The following TRPS1 variants were observed in gnomAD, a reference collection of about 807,000 sequenced individuals.
TRPS1 encodes the protein zinc finger transcription factor Trps1.
In TRPS1, 6 loss-of-function variants were observed where a neutral mutation model predicts 101.2. That is an observed-to-expected ratio of 0.06 (90% CI 0.03 to 0.12). TRPS1 has a LOEUF of 0.12. TRPS1 is among the 10% of genes least tolerant of loss of function. TRPS1 has a pLI of 1.00. For synonymous variants in TRPS1, 578 were observed against 589.8 expected, an observed-to-expected ratio of 0.98 and a Z score of 0.29; for missense variants, 1,363 against 1,567.0, an observed-to-expected ratio of 0.87 and a Z score of 2.20.
rs1817449323 is a variant in TRPS1, at chr8:115,581,493, A to G, written c.2700+5508T>C. The stretch of plus-strand genomic sequence containing the variant: ...CACCACACATTATATGTATCACAAC[A>G]GCACTATGTTCCCCACAATATGTAC... On this transcript the variant is annotated intron_variant, in intron 5 of 6. Coordinates refer to ENST00000395715, the MANE Select transcript of TRPS1 (RefSeq NM_014112.5). 2.0e-5 allele frequency among the ~76,000 whole-genome samples: 3 copies of G among 152,156 alleles called. No homozygotes were observed. The South Asian group carries it at 6.2e-4, about 31-fold the overall frequency.
intron 5 of TRPS1, among the ~76,000 whole-genome samples, chr8:115,430,917 T>C (rs1160621901): frequency 6.6e-6 from 1 of 151,976 alleles, no homozygotes; most frequent in African/African-American, 2.4e-5. Flanking sequence ...ATTGGTTATA[T>C]GTTAATTTTA....
chr8:115,558,610 T>C (rs1816878978), intron 5 of TRPS1, among the ~76,000 whole-genome samples: 1 of 152,200 alleles, frequency 6.6e-6, no homozygotes, highest in South Asian at 2.1e-4. Flanking sequence ...CTTTGTGGAT[T>C]TATATCTTCC....
chr8:115,461,393 T>C (rs1011548114), intron 5 of TRPS1, among the ~76,000 whole-genome samples: 32 of 152,258 alleles, frequency 2.1e-4, no homozygotes, highest in African/African-American at 7.7e-4. Context: ...AAATGATAGA[T>C]AGATAGACCA....
At chr8:115,570,325 A>G (rs1042577208) in intron 5 of TRPS1, among the ~76,000 whole-genome samples, 1 of 152,086 alleles carries the variant, frequency 6.6e-6, no homozygotes, top group African/African-American at 2.4e-5. Flanking sequence ...ATCAATTTAT[A>G]ATTATAATCT....
intron 1 of TRPS1, among the ~76,000 whole-genome samples, chr8:115,656,387 G>T (rs1462596808): frequency 6.6e-6 from 1 of 152,048 alleles, no homozygotes; most frequent in African/African-American, 2.4e-5. Context: ...TCTACATACA[G>T]ATTTAATTTT....
intron 5 of TRPS1, among the ~76,000 whole-genome samples, chr8:115,422,195 CGTT>C (rs961943493): frequency 1.7e-4 from 25 of 150,636 alleles, no homozygotes; most frequent in African/African-American, 5.9e-4. Flanking sequence ...CTATTTCTAT[CGTT>C]ATTTTTAGAA....
At chr8:115,632,496 A>G (rs762176441) in intron 1 of TRPS1, among the ~76,000 whole-genome samples, 11 of 151,786 alleles carry the variant, frequency 7.2e-5, no homozygotes, top group Non-Finnish European at 1.3e-4. Context: ...ACACACGTGC[A>G]CACACACACA....
intron 5 of TRPS1, among the ~76,000 whole-genome samples, chr8:115,432,004 C>T (rs1813331172): frequency 1.3e-5 from 2 of 151,442 alleles, no homozygotes; most frequent in Non-Finnish European, 3.0e-5. Context: ...ACATATATTC[C>T]TTAGCTTTTC....
chr8:115,514,466 GT>G (rs1247321845), intron 5 of TRPS1, among the ~76,000 whole-genome samples: 2 of 151,316 alleles, frequency 1.3e-5, no homozygotes, highest in African/African-American at 4.8e-5. Flanking sequence ...GCATATATTC[GT>G]TTTATTAGAT....
At chr8:115,668,324 T>C (rs1811979329) in intron 1 of TRPS1, 1 of 155,972 alleles carries the variant, frequency 6.4e-6, no homozygotes, top group African/African-American at 2.6e-5. Context: ...CTTGGCTTTC[T>C]GCACACTCTC....
intron 5 of TRPS1, among the ~76,000 whole-genome samples, chr8:115,455,723 T>A (rs1487080372): frequency 1.4e-5 from 2 of 146,136 alleles, no homozygotes; most frequent in Non-Finnish European, 3.0e-5. Context: ...AAAGACAGAA[T>A]TTTTTTTTTC....
chr8:115,493,749 A>G (rs1815085873), intron 5 of TRPS1, among the ~76,000 whole-genome samples: 1 of 152,238 alleles, frequency 6.6e-6, no homozygotes, highest in Non-Finnish European at 1.5e-5. Context: ...ATTTGACTTA[A>G]AGATTTGCAA....
At chr8:115,489,763 T>G (rs1337974016) in intron 5 of TRPS1, among the ~76,000 whole-genome samples, 1 of 152,104 alleles carries the variant, frequency 6.6e-6, no homozygotes, top group Non-Finnish European at 1.5e-5. Context: ...TCCTTTAAAA[T>G]TAAGGCTTTC....
At chr8:115,471,805 A>T (rs1814476599) in intron 5 of TRPS1, among the ~76,000 whole-genome samples, 1 of 152,200 alleles carries the variant, frequency 6.6e-6, no homozygotes, top group South Asian at 2.1e-4. Flanking sequence ...GCCCCATGCA[A>T]GTCCGAAATC....
chr8:115,523,331 G>A (rs953395891), intron 5 of TRPS1, among the ~76,000 whole-genome samples: 7 of 152,106 alleles, frequency 4.6e-5, no homozygotes, highest in Admixed American at 3.3e-4. Flanking sequence ...TCTCCCTTCC[G>A]TCAGGAATAT....
In TRPS1 at chr8:115,548,652, G is replaced by A. The variant is rs551520668; in HGVS notation, c.2700+38349C>T. 4.6e-5 allele frequency among the ~76,000 whole-genome samples: 7 copies of A among 152,264 alleles called. No individual in the cohort carries two copies. The South Asian group carries it at 6.2e-4, about 14-fold the overall frequency. ...GCAAGCCAAGATATAAAGAGAGAAAGAAGCCAGCCAGAACCACATTAAAAC... is the reference window on the plus strand; with the variant it reads ...GCAAGCCAAGATATAAAGAGAGAAAAAAGCCAGCCAGAACCACATTAAAAC... On this transcript the variant is annotated intron_variant, in intron 5 of 6. Transcript: ENST00000395715.
intron 5 of TRPS1, among the ~76,000 whole-genome samples, chr8:115,445,135 A>G (rs889193928): frequency 6.6e-6 from 1 of 151,922 alleles, no homozygotes; most frequent in East Asian, 1.9e-4. Context: ...CCTCAAACAG[A>G]CCTCATACAC....
At chr8:115,501,780 C>T (rs1190726535) in intron 5 of TRPS1, among the ~76,000 whole-genome samples, 2 of 152,128 alleles carry the variant, frequency 1.3e-5, no homozygotes, top group African/African-American at 4.8e-5. Context: ...CTCTGGGTAA[C>T]TTGACCTCCT....
intron 5 of TRPS1, among the ~76,000 whole-genome samples, chr8:115,567,399 GT>G (rs1817094479): frequency 6.6e-6 from 1 of 151,952 alleles, no homozygotes; most frequent in Non-Finnish European, 1.5e-5. Flanking sequence ...AGAAAGGGGG[GT>G]GGGGAAATCT....
Sources: gnomAD v4.1 joint callset for allele counts (sites outside exome capture counted in the v4.1 genomes callset) on GRCh38, gnomAD v4.1.1 for gene constraint, MANE v1.5 for transcripts, NCBI Gene and HGNC (gene_info 2026-07-23, HGNC 2026-07-21) for gene names.